MYO16: variants seen among roughly 807,000 people sequenced by gnomAD.
MYO16 encodes unconventional myosin-XVI.
MYO16 carries 94 observed loss-of-function variants against 205.3 expected under a neutral mutation model. The observed-to-expected ratio is 0.46, with a 90% CI of 0.39 to 0.54. The LOEUF (loss-of-function observed/expected upper bound fraction) is 0.54. Ranked by LOEUF, MYO16 falls within the 20% of genes least tolerant of loss-of-function variation. The probability of loss-of-function intolerance (pLI) is 0.00; values close to 1 mark genes in which losing one functional copy is unlikely to be tolerated. For synonymous variants in MYO16, 988 were observed against 954.0 expected, an observed-to-expected ratio of 1.04 and a Z score of -0.66; for missense variants, 2,315 against 2,387.5, an observed-to-expected ratio of 0.97 and a Z score of 0.63.
At position 108,837,867 on chromosome 13, in the gene MYO16, A is replaced by AT. The variant is rs959467986; in HGVS notation, c.1098-6468dup. ...TCTAAAGAAATCTTTCTACTTGGTGATTTTTTTTGTACTTCATAAACTATC... is the reference window on the plus strand; with the variant it reads ...TCTAAAGAAATCTTTCTACTTGGTGATTTTTTTTTGTACTTCATAAACTATC... On this transcript the variant is annotated intron_variant, in intron 9 of 34. Coordinates refer to ENST00000457511, the MANE Select transcript of MYO16 (RefSeq NM_001198950.3). 4.6e-5 allele frequency among the ~76,000 whole-genome samples: 7 copies of AT among 152,068 alleles called. No homozygotes were observed. The South Asian group carries it at 6.2e-4, about 14-fold the overall frequency.
intron 27 of MYO16, among the ~76,000 whole-genome samples, chr13:109,077,702 T>C (rs1594064185): frequency 1.3e-5 from 2 of 152,350 alleles, no homozygotes; most frequent in African/African-American, 4.8e-5. Flanking sequence ...ACAGTATGTC[T>C]TTATTTCCAT....
chr13:109,021,781 C>T (rs891764603), intron 23 of MYO16, among the ~76,000 whole-genome samples: 4 of 151,928 alleles, frequency 2.6e-5, no homozygotes, highest in Non-Finnish European at 5.9e-5. Flanking sequence ...CATGTACAAC[C>T]AAGGGCTTTG....
chr13:108,948,652 A>C (rs1019830217), intron 16 of MYO16, among the ~76,000 whole-genome samples: 13 of 152,160 alleles, frequency 8.5e-5, no homozygotes, highest in African/African-American at 3.1e-4. Context: ...ATCTATTCCC[A>C]CTCCTTAGAG....
At chr13:108,762,895 C>T (rs729550) in intron 4 of MYO16, among the ~76,000 whole-genome samples, 79,376 of 151,842 alleles carry the variant, frequency 0.52, 21,329 homozygotes, top group East Asian at 0.63. Flanking sequence ...TTTACCTTTT[C>T]CCCATGGCAG....
At chr13:109,065,845 A>G (rs566957213) in intron 27 of MYO16, among the ~76,000 whole-genome samples, 113 of 152,338 alleles carry the variant, frequency 7.4e-4, no homozygotes, top group African/African-American at 2.6e-3. Flanking sequence ...AGGATTATTT[A>G]TGGTTGGCAG....
chr13:108,754,698 A>G (rs1478044063), intron 4 of MYO16, among the ~76,000 whole-genome samples: 1 of 152,180 alleles, frequency 6.6e-6, no homozygotes, highest in Non-Finnish European at 1.5e-5. Context: ...GCTTTGGTAA[A>G]TTATGTTCTC....
intron 6 of MYO16, among the ~76,000 whole-genome samples, chr13:108,795,831 G>A (rs1383363978): frequency 6.6e-6 from 1 of 152,076 alleles, no homozygotes; most frequent in African/African-American, 2.4e-5. Flanking sequence ...TAAATGCAAG[G>A]GAAAAAACAA....
At chr13:108,716,555 G>A (rs1237294212) in intron 3 of MYO16, among the ~76,000 whole-genome samples, 1 of 152,146 alleles carries the variant, frequency 6.6e-6, no homozygotes, top group Non-Finnish European at 1.5e-5. Flanking sequence ...CAGGTTGCTG[G>A]AGAGATGAAA....
intron 27 of MYO16, among the ~76,000 whole-genome samples, chr13:109,091,784 A>G (rs1888632321): frequency 1.3e-5 from 2 of 151,836 alleles, no homozygotes; most frequent in South Asian, 4.2e-4. Flanking sequence ...TTCTCTTTTT[A>G]TTGATTATTC....
chr13:108,685,573 T>A (rs555091199), intron 2 of MYO16, among the ~76,000 whole-genome samples: 1 of 152,346 alleles, frequency 6.6e-6, no homozygotes, highest in Admixed American at 6.5e-5. Context: ...TGTTTGTTCT[T>A]GTTATACAAG....
intron 4 of MYO16, among the ~76,000 whole-genome samples, chr13:108,732,296 C>T (rs552189200): frequency 1.3e-5 from 2 of 152,286 alleles, no homozygotes; most frequent in Admixed American, 1.3e-4. Context: ...AGAAAAAGCC[C>T]TGCCTTTTAG....
chr13:108,618,620 CT>C (rs1879431842), intron 1 of MYO16, among the ~76,000 whole-genome samples: 1 of 152,160 alleles, frequency 6.6e-6, no homozygotes, highest in African/African-American at 2.4e-5. Context: ...ATTTGCTGTG[CT>C]GGGAAATCAC....
At chr13:109,037,600 A>G (rs779343079) in intron 23 of MYO16, among the ~76,000 whole-genome samples, 8 of 152,218 alleles carry the variant, frequency 5.3e-5, no homozygotes, top group East Asian at 1.9e-4. Context: ...TGAGAAAACT[A>G]TAGTAAAAAC....
At position 108,649,394 on chromosome 13, in the gene MYO16, G is replaced by T. The variant is rs140792978; in HGVS notation, c.29-16492G>T. On this transcript the variant is annotated intron_variant, in intron 1 of 34. Transcript: ENST00000457511. The stretch of plus-strand genomic sequence containing the variant: ...CCCGTGGGCAGTTGACTTGGACAAT[G>T]TTTCTACTAACTTTCAGGACCACAT... 1.1e-4 allele frequency among the ~76,000 whole-genome samples: 16 copies of T among 152,114 alleles called. No individual in the cohort carries two copies. In the East Asian group the frequency reaches 3.1e-3, roughly 29 times the overall value.
At chr13:108,697,013 T>C (rs572675868) in intron 2 of MYO16, among the ~76,000 whole-genome samples, 1 of 151,724 alleles carries the variant, frequency 6.6e-6, no homozygotes, top group African/African-American at 2.4e-5. Context: ...CTTCTACTCA[T>C]CTTCCATGAA....
chr13:108,522,484 C>T, the MYO16 span, among the ~76,000 whole-genome samples: 1 of 152,100 alleles, frequency 6.6e-6, no homozygotes, highest in Non-Finnish European at 1.5e-5. Context: ...GCTAGCATGA[C>T]AAAATCCCCC....
intron 2 of MYO16, among the ~76,000 whole-genome samples, chr13:108,680,333 A>C (rs1882409634): frequency 6.6e-6 from 1 of 152,182 alleles, no homozygotes; most frequent in Non-Finnish European, 1.5e-5. Flanking sequence ...AATTAACATA[A>C]GATGTCAATT....
At chr13:108,752,733 C>T (rs975506025) in intron 4 of MYO16, among the ~76,000 whole-genome samples, 1 of 148,862 alleles carries the variant, frequency 6.7e-6, no homozygotes, top group African/African-American at 2.5e-5. Context: ...CCTCTGCCGC[C>T]GGGGTTCAAG....
chr13:109,046,467 T>G (rs1178242120), intron 23 of MYO16, among the ~76,000 whole-genome samples: 1 of 152,212 alleles, frequency 6.6e-6, no homozygotes, highest in Non-Finnish European at 1.5e-5. Flanking sequence ...GTGTTCTTAA[T>G]TGTAAAGACT....
Sources: gnomAD v4.1 joint callset for allele counts (sites outside exome capture counted in the v4.1 genomes callset) on GRCh38, gnomAD v4.1.1 for gene constraint, MANE v1.5 for transcripts, NCBI Gene and HGNC (gene_info 2026-07-23, HGNC 2026-07-21) for gene names.